Variants in KCNK12 observed in about 807,000 individuals in gnomAD.
KCNK12 encodes potassium two pore domain channel subfamily K member 12, also known as potassium channel subfamily K member 12.
A neutral mutation model predicts 25.3 loss-of-function variants in KCNK12; 6 were observed. That is an observed-to-expected ratio of 0.24 (90% confidence interval 0.13 to 0.47). The LOEUF is 0.47. Ranked by LOEUF, KCNK12 falls within the 20% of genes least tolerant of loss-of-function variation. The probability of loss-of-function intolerance (pLI) is 0.99; values close to 1 mark genes in which losing one functional copy is unlikely to be tolerated. For synonymous variants in KCNK12, 331 were observed against 311.1 expected, an observed-to-expected ratio of 1.06 and a Z score of -0.67; for missense variants, 444 against 661.7, an observed-to-expected ratio of 0.67 and a Z score of 3.61.
chr2:47,546,050 T>C, intron 1 of KCNK12, among the ~76,000 whole-genome samples: 1 of 152,162 alleles, frequency 6.6e-6, no homozygotes, highest in South Asian at 2.1e-4. Flanking sequence ...GGAAAAGCTG[T>C]AAATGAAGCA....
At position 47,562,895 on chromosome 2, in the gene KCNK12, C is replaced by T; in HGVS notation, c.391+7046G>A. 4.3e-6 allele frequency: 1 copy of T among 233,374 alleles called. No homozygotes were observed. The allele number at this position is 233,374 out of a possible 1,614,324, so 14.5% of individuals were successfully genotyped here. A position where few individuals can be genotyped will look rare whatever the true frequency, so the allele number is the denominator to read the frequency against. On this transcript the variant is annotated intron_variant, in intron 1 of 1. Coordinates refer to ENST00000327876, the MANE Select transcript of KCNK12 (RefSeq NM_022055.2). This position sits in a 1 kb window ranked among gnomAD's most constrained non-coding sequence, Gnocchi z 4.8. ...CCCAAAGCACCCACCTTGGGCTCCA[C>T]ACACTTTCCGGATTGCTGGCTGGTG...
chr2:47,534,585 T>C (rs1669018444), intron 1 of KCNK12, among the ~76,000 whole-genome samples: 1 of 125,326 alleles, frequency 8.0e-6, no homozygotes, highest in South Asian at 2.7e-4. Context: ...GGGAGAAGAC[T>C]AAATCCAAGA....
chr2:47,551,577 A>G lies in KCNK12; in HGVS notation c.391+18364T>C, dbSNP rs536956959. 7.7e-4 allele frequency among the ~76,000 whole-genome samples: 118 copies of G among 152,334 alleles called. No individual in the cohort carries two copies. In the Middle Eastern group the frequency reaches 0.014, roughly 18 times the overall value. ...GAAATATTTGTTGAATAAATGGATC[A>G]ATGGGAATCATGTTTTCTGGATGCC... On this transcript the variant is annotated intron_variant, in intron 1 of 1. Transcript: ENST00000327876. This position sits in a 1 kb window ranked among gnomAD's most constrained non-coding sequence, Gnocchi z 5.3.
intron 1 of KCNK12, among the ~76,000 whole-genome samples, chr2:47,554,249 GAACA>G (rs143974457): frequency 0.037 from 5,649 of 152,204 alleles, 147 homozygotes; most frequent in South Asian, 0.079. Flanking sequence ...AGAGGTCAGG[GAACA>G]AACAAACACA....
intron 1 of KCNK12, among the ~76,000 whole-genome samples, chr2:47,546,408 G>A (rs1217129313): frequency 6.6e-6 from 1 of 152,232 alleles, no homozygotes; most frequent in Non-Finnish European, 1.5e-5. Context: ...TACAGGTGCT[G>A]TGAAACTATT....
rs758195234 is a variant in KCNK12, at chr2:47,569,935, G to T, written c.391+6C>A. The T allele has an allele frequency of 7.2e-7, 1 of 1,381,060 alleles. No individual in the cohort carries two copies. Among genetic ancestry groups the T allele is most frequent in the Non-Finnish European group, 9.4e-7 (1 of 1,062,254 alleles). The allele number at this position is 1,381,060 out of a possible 1,614,324, so 85.6% of individuals were successfully genotyped here. A position where few individuals can be genotyped will look rare whatever the true frequency, so the allele number is the denominator to read the frequency against. On this transcript the variant is annotated splice_donor_region_variant and intron_variant, in intron 1 of 1. Coordinates refer to ENST00000327876, the MANE Select transcript of KCNK12 (RefSeq NM_022055.2). The surrounding 1 kb of genome is among the most constrained non-coding windows in gnomAD (Gnocchi z 4.1). ...AGGAAAGATGCGCGGGGGACGCGCC[G>T]CTCACCTATGGTTGACACCACGGTG...
chr2:47,558,141 C>T (rs1669588031), intron 1 of KCNK12, among the ~76,000 whole-genome samples: 1 of 152,238 alleles, frequency 6.6e-6, no homozygotes, highest in African/African-American at 2.4e-5. Context: ...TCTGTAGCCC[C>T]TCCCATGTGC....
intron 1 of KCNK12, among the ~76,000 whole-genome samples, chr2:47,559,510 A>G (rs1002418987): frequency 4.5e-4 from 68 of 152,232 alleles, no homozygotes; most frequent in African/African-American, 1.6e-3. Flanking sequence ...ATTATGCTCC[A>G]TGATTGACAG....
chr2:47,562,932 A>AG lies in KCNK12; in HGVS notation c.391+7008dup, dbSNP rs952226518. Reference sequence around the variant, plus strand: ...ATTGCTGGCTGGTGGCCCCATGCAGAGCCCCCGACCCCGGAAAGTCAGTGG... The same window carrying AG: ...ATTGCTGGCTGGTGGCCCCATGCAGAGGCCCCCGACCCCGGAAAGTCAGTGG... On this transcript the variant is annotated intron_variant, in intron 1 of 1. Transcript: ENST00000327876. The surrounding 1 kb of genome is among the most constrained non-coding windows in gnomAD (Gnocchi z 4.8). The AG allele has an allele frequency of 3.2e-4, 74 of 233,514 alleles. No homozygotes were observed. Among genetic ancestry groups the AG allele is most frequent in the African/African-American group, 1.6e-3 (73 of 45,454 alleles). The allele number at this position is 233,514 out of a possible 1,614,324, so 14.5% of individuals were successfully genotyped here.
Position 47,560,358 on chromosome 2 carries a change from A to T in KCNK12, c.391+9583T>A, listed in dbSNP as rs1669637552. ...AGGTGGCGAAGGATGGGAAGCAGGC[A>T]GCCCTCGCTTTAGTGTAGCCACTGA... On this transcript the variant is annotated intron_variant, in intron 1 of 1. Transcript: ENST00000327876. This position sits in a 1 kb window ranked among gnomAD's most constrained non-coding sequence, Gnocchi z 4.7. Among the ~76,000 whole-genome samples the T allele has an allele frequency of 6.6e-6, 1 of 152,230 alleles. No individual in the cohort carries two copies.
intron 1 of KCNK12, chr2:47,564,079 C>A (rs964349054): frequency 4.3e-6 from 1 of 231,434 alleles, no homozygotes; most frequent in African/African-American, 2.2e-5. Context: ...CTCATTAAAA[C>A]AAGGGAGGTT....
Position 47,555,489 on chromosome 2 carries a change from A to C in KCNK12, c.391+14452T>G, listed in dbSNP as rs1669534107. 6.6e-6 allele frequency among the ~76,000 whole-genome samples: 1 copy of C among 152,180 alleles called. No individual in the cohort carries two copies. Among genetic ancestry groups the C allele is most frequent in the South Asian group, 2.1e-4 (1 of 4,828 alleles). On this transcript the variant is annotated intron_variant, in intron 1 of 1. Transcript: ENST00000327876. The surrounding 1 kb of genome is among the most constrained non-coding windows in gnomAD (Gnocchi z 4.5). ...CTAAAACCAAAGCTTATTCTCCATT[A>C]GTTTCCCTCCTATATTTATCTTCCC...
Position 47,566,206 on chromosome 2 carries a change from C to T in KCNK12, c.391+3735G>A, listed in dbSNP as rs184123629. 19 of 152,272 alleles carry T rather than the reference C, an allele frequency of 1.2e-4. No individual in the cohort carries two copies. Among genetic ancestry groups the T allele is most frequent in the Admixed American group, 1.1e-3 (17 of 15,298 alleles). The allele number at this position is 152,272 out of a possible 1,614,324, so 9.4% of individuals were successfully genotyped here. ...CTGTGTAGACACACGTGTATCTACACGATTGCAAACTGCCCAGCTGTGGAT... is the reference window on the plus strand; with the variant it reads ...CTGTGTAGACACACGTGTATCTACATGATTGCAAACTGCCCAGCTGTGGAT... On this transcript the variant is annotated intron_variant, in intron 1 of 1. Transcript: ENST00000327876. The surrounding 1 kb of genome is among the most constrained non-coding windows in gnomAD (Gnocchi z 4.1).
chr2:47,542,361 G>T (rs970101521), intron 1 of KCNK12, among the ~76,000 whole-genome samples: 1 of 152,250 alleles, frequency 6.6e-6, no homozygotes, highest in South Asian at 2.1e-4. Flanking sequence ...ACAAGTCACA[G>T]TCCTAGTCTG....
chr2:47,521,087 C>A lies in KCNK12; in HGVS notation c.1113G>T (p.Met371Ile). The change falls in exon 2 of 2, where the codon ATG becomes ATT. Residue 371 changes from methionine to isoleucine, a missense_variant. Coordinates refer to ENST00000327876, the MANE Select transcript of KCNK12 (RefSeq NM_022055.2). ...GRRLSGELIS[M>I]RDLTASNKVS... ...CCTTGTTGGAGGCCGTGAGGTCGCG[C>A]ATGGAGATGAGCTCGCCCGAGAGGC... The A allele has an allele frequency of 7.5e-7, 1 of 1,336,194 alleles. No individual in the cohort carries two copies. Among genetic ancestry groups the A allele is most frequent in the Non-Finnish European group, 9.6e-7 (1 of 1,041,658 alleles). The allele number at this position is 1,336,194 out of a possible 1,614,324, so 82.8% of individuals were successfully genotyped here.
intron 1 of KCNK12, among the ~76,000 whole-genome samples, chr2:47,567,808 A>G (rs1257449718): frequency 6.6e-6 from 1 of 152,208 alleles, no homozygotes; most frequent in Non-Finnish European, 1.5e-5. Context: ...AACACGAATC[A>G]AGAAAGAGAA....
intron 1 of KCNK12, among the ~76,000 whole-genome samples, chr2:47,553,903 G>A (rs1669494273): frequency 2.0e-5 from 3 of 152,172 alleles, no homozygotes; most frequent in Admixed American, 2.0e-4. Flanking sequence ...ATACTGGAAA[G>A]AACAAAAGAT....
At position 47,515,779 on chromosome 2, in the gene KCNK12, A is replaced by G. The variant is rs544440205; in HGVS notation, c.*5128T>C. 6.6e-6 allele frequency among the ~76,000 whole-genome samples: 1 copy of G among 152,264 alleles called. No homozygotes were observed. The highest frequency in any genetic ancestry group is 2.4e-5 in the African/African-American group (1 of 41,540). ...AGAAGGCCTCAGTAGAGTTTGCACT[A>G]TTATTAGGGCAAGTAAGCTGCTTCT... On this transcript the variant is annotated 3_prime_UTR_variant, in exon 2 of 2. Transcript: ENST00000327876.
Position 47,513,737 on chromosome 2 carries a change from C to G in KCNK12, c.*7170G>C, listed in dbSNP as rs569549049. Among the ~76,000 whole-genome samples, 1 of 152,150 alleles carries G rather than the reference C, an allele frequency of 6.6e-6. No individual in the cohort carries two copies. Among genetic ancestry groups the G allele is most frequent in the Non-Finnish European group, 1.5e-5 (1 of 68,018 alleles). On this transcript the variant is annotated 3_prime_UTR_variant, in exon 2 of 2. Transcript: ENST00000327876. ...TGGGTTCCCAGGCTCAGTGGTGGCA[C>G]CACTGTCTACCTGGCTGCTTAGCCT...
Sources: gnomAD v4.1 joint callset for allele counts (sites outside exome capture counted in the v4.1 genomes callset) on GRCh38, gnomAD v4.1.1 for gene constraint, Gnocchi (gnomAD v3.1) non-coding constraint, MANE v1.5 for transcripts, NCBI Gene and HGNC (gene_info 2026-07-23, HGNC 2026-07-21) for gene names.